The following SOAT1 variants were observed in gnomAD, a reference collection of about 807,000 sequenced individuals.
SOAT1 encodes sterol O-acyltransferase 1, also known as acyl-coenzyme A:cholesterol acyltransferase 1.
Under a neutral mutation model 69.5 loss-of-function variants are expected in SOAT1, and 55 were observed. The ratio of observed to expected loss-of-function variants is 0.79; its 90% CI spans 0.64 to 0.99. The LOEUF is 0.99. Ranked by LOEUF, SOAT1 falls within the 50% of genes least tolerant of loss-of-function variation. SOAT1 has a pLI of 0.00. For synonymous variants in SOAT1, 231 were observed against 224.7 expected (o/e 1.03, Z -0.25); for missense variants, 580 against 669.3 (o/e 0.87, Z 1.47).
chr1:179,312,945 C>A (rs1391985730), intron 2 of SOAT1, among the ~76,000 whole-genome samples: 1 of 152,174 alleles, frequency 6.6e-6, no homozygotes, highest in Non-Finnish European at 1.5e-5. Flanking sequence ...TTTTCCCAGT[C>A]AATAAGCTTG....
chr1:179,319,378 A>G (rs963973994), intron 2 of SOAT1, among the ~76,000 whole-genome samples: 7 of 148,050 alleles, frequency 4.7e-5, no homozygotes, highest in African/African-American at 1.8e-4. Context: ...CAAGCTATTC[A>G]CCTGCCTCAG....
intron 2 of SOAT1, among the ~76,000 whole-genome samples, chr1:179,311,651 T>G (rs911508608): frequency 1.3e-5 from 2 of 152,204 alleles, no homozygotes; most frequent in African/African-American, 4.8e-5. Context: ...TTTAAAAAAT[T>G]CACTTGAAAA....
At position 179,349,623 on chromosome 1, in the gene SOAT1, G is replaced by A. The variant is rs534836892; in HGVS notation, c.1315-673G>A. Among the ~76,000 whole-genome samples the A allele has an allele frequency of 3.9e-5, 6 of 152,190 alleles. No homozygotes were observed. In the East Asian group the frequency reaches 9.7e-4, roughly 24 times the overall value. On this transcript the variant is annotated intron_variant, in intron 13 of 15. Transcript: ENST00000367619. Reference sequence around the variant, plus strand: ...ATTACAAGCATGAGCCACCGTGCCCGGGTGAGAAACACTTTTCTGTGAGAA... The same window carrying A: ...ATTACAAGCATGAGCCACCGTGCCCAGGTGAGAAACACTTTTCTGTGAGAA...
In SOAT1 at chr1:179,323,618, T is replaced by C. The variant is rs1320185528; in HGVS notation, c.177+123T>C. 4 of 776,934 alleles carry C rather than the reference T, an allele frequency of 5.1e-6. No homozygotes were observed. The African/African-American group carries it at 7.0e-5, about 14-fold the overall frequency. 48.1% of individuals were successfully genotyped at this position (776,934 alleles called of 1,614,324 possible). On this transcript the variant is annotated intron_variant, in intron 3 of 15. Transcript: ENST00000367619. The stretch of plus-strand genomic sequence containing the variant: ...AGCCATTCATCAGTTGCTGTTATCC[T>C]GTGGAACAAGAAAATAAGATCTGCT...
intron 1 of SOAT1, 21 bp from the exon 2 acceptor site, chr1:179,302,656 T>C (rs746426112): frequency 5.9e-6 from 9 of 1,530,146 alleles, no homozygotes; most frequent in Non-Finnish European, 8.0e-6. Context: ...ATACGAAAGC[T>C]TTTTACACCT....
intron 1 of SOAT1, among the ~76,000 whole-genome samples, chr1:179,299,352 T>C (rs570770258): frequency 4.4e-4 from 67 of 152,318 alleles, no homozygotes; most frequent in Admixed American, 1.2e-3. Context: ...TTAAATGTAA[T>C]GTAAAAAGTT....
chr1:179,321,271 A>T (rs1280823876), intron 2 of SOAT1, among the ~76,000 whole-genome samples: 15 of 151,428 alleles, frequency 9.9e-5, no homozygotes, highest in Non-Finnish European at 2.2e-4. Context: ...GAGGAATGGC[A>T]TTTTTTTTTA....
chr1:179,309,734 TA>T (rs1226491197), intron 2 of SOAT1, among the ~76,000 whole-genome samples: 3 of 152,172 alleles, frequency 2.0e-5, no homozygotes, highest in Admixed American at 6.5e-5. Context: ...CTATATTAAA[TA>T]AATTAATCCT....
In SOAT1 at chr1:179,354,940, A is replaced by T. The variant is rs1304921728; in HGVS notation, c.*1299A>T. ...ATGATAGTTGTTACTTGGAACAGCC[A>T]CTTGAGAGGCTCTCTTGGTATTGTT... On this transcript the variant is annotated 3_prime_UTR_variant, in exon 16 of 16. Coordinates refer to ENST00000367619, the MANE Select transcript of SOAT1 (RefSeq NM_003101.6). 2.6e-5 allele frequency: 4 copies of T among 152,304 alleles called. No individual in the cohort carries two copies. Among genetic ancestry groups the T allele is most frequent in the Admixed American group, 2.6e-4 (4 of 15,296 alleles). The allele number at this position is 152,304 out of a possible 1,614,324, so 9.4% of individuals were successfully genotyped here.
At chr1:179,314,294 G>A (rs1465957504) in intron 2 of SOAT1, among the ~76,000 whole-genome samples, 1 of 152,174 alleles carries the variant, frequency 6.6e-6, no homozygotes, top group Admixed American at 6.5e-5. Context: ...TTTACTTAAT[G>A]CATGAGTATA....
intron 1 of SOAT1, among the ~76,000 whole-genome samples, chr1:179,300,036 C>T (rs775892112): frequency 6.6e-6 from 1 of 151,670 alleles, no homozygotes; most frequent in African/African-American, 2.4e-5. Flanking sequence ...GCTGGGATTA[C>T]AGGCATGAGC....
chr1:179,315,884 AT>A (rs1491572357), intron 2 of SOAT1, among the ~76,000 whole-genome samples: 1 of 152,052 alleles, frequency 6.6e-6, no homozygotes, highest in African/African-American at 2.4e-5. Flanking sequence ...TTTTGTCTTC[AT>A]TTTTTTATGA....
intron 1 of SOAT1, among the ~76,000 whole-genome samples, chr1:179,298,455 A>T (rs1338897586): frequency 6.6e-6 from 1 of 151,926 alleles, no homozygotes; most frequent in Non-Finnish European, 1.5e-5. Context: ...TCTTATTACC[A>T]AGGACTCCCT....
chr1:179,316,100 C>T (rs1665382945), intron 2 of SOAT1, among the ~76,000 whole-genome samples: 1 of 152,142 alleles, frequency 6.6e-6, no homozygotes, highest in Admixed American at 6.5e-5. Context: ...TATTGCATTT[C>T]TCTGTTATGT....
chr1:179,310,772 A>C (rs1387550518), intron 2 of SOAT1, among the ~76,000 whole-genome samples: 1 of 152,214 alleles, frequency 6.6e-6, no homozygotes, highest in African/African-American at 2.4e-5. Context: ...ATGAGTTTGA[A>C]TTTCTAGGCA....
intron 2 of SOAT1, among the ~76,000 whole-genome samples, chr1:179,314,980 A>C (rs1665342488): frequency 6.6e-6 from 1 of 152,198 alleles, no homozygotes; most frequent in Admixed American, 6.6e-5. Flanking sequence ...GGTTCTATTA[A>C]GTTTCAGATA....
intron 11 of SOAT1, 111 bp from the exon 12 acceptor site, chr1:179,347,489 A>C: frequency 3.1e-6 from 2 of 634,926 alleles, no homozygotes; most frequent in Non-Finnish European, 5.6e-6. Flanking sequence ...CTGGAATAAT[A>C]ACTTATATTT....
intron 3 of SOAT1, among the ~76,000 whole-genome samples, chr1:179,329,516 G>A (rs572801085): frequency 1.3e-5 from 2 of 152,104 alleles, no homozygotes; most frequent in African/African-American, 2.4e-5. Flanking sequence ...ACATGAGTTC[G>A]AGACCAGCCT....
At chr1:179,328,636 T>C in intron 3 of SOAT1, among the ~76,000 whole-genome samples, 1 of 152,252 alleles carries the variant, frequency 6.6e-6, no homozygotes, top group East Asian at 1.9e-4. Context: ...ATGTCTTTAC[T>C]AATTGGTATT....
Sources: allele counts gnomAD v4.1 joint callset (sites outside exome capture counted in the v4.1 genomes callset), GRCh38; gene constraint gnomAD v4.1.1; transcripts MANE v1.5; gene names NCBI Gene and HGNC (gene_info 2026-07-23, HGNC 2026-07-21).